The following CYP4F22 variants were observed in gnomAD, a reference collection of about 807,000 sequenced individuals.
The protein encoded by CYP4F22 is cytochrome P450 family 4 subfamily F member 22.
Under a neutral mutation model 60.4 loss-of-function variants are expected in CYP4F22, and 37 were observed. The ratio of observed to expected loss-of-function variants is 0.61; its 90% CI spans 0.47 to 0.81. The LOEUF is 0.81. Ranked by LOEUF, CYP4F22 falls within the 30% of genes least tolerant of loss-of-function variation. The pLI, the probability that CYP4F22 is intolerant of heterozygous loss-of-function variation, is 0.00. For missense variants in CYP4F22, 655 were observed against 715.0 expected (o/e 0.92, Z 0.96); for synonymous variants, 258 against 280.5 (o/e 0.92, Z 0.80).
rs71176432 is a variant in CYP4F22, at chr19:15,547,018, G to GTTTTTTTTTTTTTTTTTTT, written c.1137-1086_1137-1068dup. 9.7e-4 allele frequency among the ~76,000 whole-genome samples: 80 copies of GTTTTTTTTTTTTTTTTTTT among 82,304 alleles called. 9 individuals are homozygous for GTTTTTTTTTTTTTTTTTTT. Among genetic ancestry groups the GTTTTTTTTTTTTTTTTTTT allele is most frequent in the African/African-American group, 4.2e-3 (74 of 17,582 alleles). The allele number at this position is 82,304 out of a possible 152,430, so 54.0% of individuals were successfully genotyped here. ...GAGCCACCATGCCTGGCCTGCACCA[G>GTTTTTTTTTTTTTTTTTTT]TTTTTTTTTTTTTTTTTTTTTTAAG... is the stretch of plus-strand genomic sequence containing the variant. On this transcript the variant is annotated intron_variant, in intron 10 of 13. Transcript: ENST00000269703.
intron 7 of CYP4F22, among the ~76,000 whole-genome samples, chr19:15,539,809 A>G (rs1971438034): frequency 6.6e-6 from 1 of 152,120 alleles, no homozygotes; most frequent in South Asian, 2.1e-4. Context: ...ACTTGTTATT[A>G]TAAGTTTTGA....
Position 15,551,799 on chromosome 19 carries a change from G to A in CYP4F22, c.*328G>A. 1 of 436,394 alleles carries A rather than the reference G, an allele frequency of 2.3e-6. No homozygotes were observed. Among genetic ancestry groups the A allele is most frequent in the Non-Finnish European group, 4.2e-6 (1 of 238,196 alleles). The allele number at this position is 436,394 out of a possible 1,614,324, so 27.0% of individuals were successfully genotyped here. On this transcript the variant is annotated 3_prime_UTR_variant, in exon 14 of 14. Transcript: ENST00000269703. ...AGGATCCTACGGATTGAGGTCCTCA[G>A]GCCACGCCCCTGCAGATCCAGGTCT...
chr19:15,539,461 T>A (rs923865501), intron 7 of CYP4F22, among the ~76,000 whole-genome samples: 7 of 152,244 alleles, frequency 4.6e-5, no homozygotes, highest in Admixed American at 4.6e-4. Flanking sequence ...CTGTTTCCAC[T>A]TTTCGACCTT....
chr19:15,524,680 G>GAGGGAAAGAA (rs1971260722), intron 2 of CYP4F22, among the ~76,000 whole-genome samples: 1 of 149,016 alleles, frequency 6.7e-6, no homozygotes, highest in Non-Finnish European at 1.5e-5. Flanking sequence ...GAGAGAGAGA[G>GAGGGAAAGAA]AGAAAGAAAG....
rs528145184 is a variant in CYP4F22 at position 15,547,809 on chromosome 19, C to A, written c.1137-299C>A. Among the ~76,000 whole-genome samples, 11 of 146,924 alleles carry A rather than the reference C, an allele frequency of 7.5e-5. No individual in the cohort carries two copies. The South Asian group carries it at 1.9e-3, about 26-fold the overall frequency. ...TATGTTCTAGCCTGGGCAACAAGAGCGAAACTCGGTCTTAAAAAAAAAAAA... is the reference window on the plus strand; with the variant it reads ...TATGTTCTAGCCTGGGCAACAAGAGAGAAACTCGGTCTTAAAAAAAAAAAA... On this transcript the variant is annotated intron_variant, in intron 10 of 13. Coordinates refer to ENST00000269703, the MANE Select transcript of CYP4F22 (RefSeq NM_173483.4).
chr19:15,526,391 G>A (rs913598039), intron 3 of CYP4F22, among the ~76,000 whole-genome samples: 12 of 152,094 alleles, frequency 7.9e-5, no homozygotes, highest in African/African-American at 2.4e-4. Context: ...ACAGGGTCTC[G>A]CTATGTTGCC....
At chr19:15,544,322 A>G (rs1321947658) in intron 10 of CYP4F22, 43 bp downstream of exon 10, 1 of 1,596,052 alleles carries the variant, frequency 6.3e-7, no homozygotes, top group Non-Finnish European at 8.5e-7. Context: ...GGTTGAGGCC[A>G]GAGCCTTGGG....
rs771000092 is a variant in CYP4F22, at chr19:15,548,171, A to G, written c.1200A>G (p.Pro400=). ...TTAAGGAGAGCCTGCGCCAGTACCC[A>G]CCTGTCACTCTTGTCTCTCGCCAAT... The part of the protein sequence containing the change: ...MCIKESLRQY[P]PVTLVSRQCT... Residue 400 remains proline (P), a synonymous_variant, in exon 11 of 14, where the codon CCA becomes CCG. Transcript: ENST00000269703. 3.1e-6 allele frequency: 5 copies of G among 1,613,962 alleles called. No individual in the cohort carries two copies. In the Admixed American group the frequency reaches 8.3e-5, roughly 27 times the overall value.
rs71176432 is a variant in CYP4F22 at position 15,547,018 on chromosome 19, GTTTTTTTT to G, written c.1137-1075_1137-1068del. 2.4e-5 allele frequency among the ~76,000 whole-genome samples: 2 copies of G among 82,330 alleles called. 1 individual carries two copies. The highest frequency in any genetic ancestry group is 1.1e-3 in the East Asian group (2 of 1,874). 54.0% of individuals were successfully genotyped at this position (82,330 alleles called of 152,430 possible). ...GAGCCACCATGCCTGGCCTGCACCAGTTTTTTTTTTTTTTTTTTTTTTAAGACAAGAGT... is the reference window on the plus strand; with the variant it reads ...GAGCCACCATGCCTGGCCTGCACCAGTTTTTTTTTTTTTTAAGACAAGAGT... On this transcript the variant is annotated intron_variant, in intron 10 of 13. Coordinates refer to ENST00000269703, the MANE Select transcript of CYP4F22 (RefSeq NM_173483.4).
intron 1 of CYP4F22, among the ~76,000 whole-genome samples, chr19:15,518,994 G>A (rs1490633924): frequency 6.6e-6 from 1 of 152,164 alleles, no homozygotes; most frequent in African/African-American, 2.4e-5. Flanking sequence ...CAACAGATTG[G>A]ATGTGGCTGA....
chr19:15,522,986 C>A (rs550588847), intron 1 of CYP4F22, among the ~76,000 whole-genome samples: 16 of 151,098 alleles, frequency 1.1e-4, no homozygotes, highest in Non-Finnish European at 2.2e-4. Flanking sequence ...GTTGGGATTA[C>A]AGGTGTGAGC....
Position 15,510,945 on chromosome 19 carries a change from C to CATATATATATATTTAT in CYP4F22, c.-109+2374_-109+2375insTTATATATATATATAT, listed in dbSNP as rs1460338117. On this transcript the variant is annotated intron_variant, in intron 1 of 13. Transcript: ENST00000269703. ...ACCAGCCTGGGGAATATAGGGATAC[C>CATATATATATATTTAT]ATATATATATATATATATATATTTT... Among the ~76,000 whole-genome samples the CATATATATATATTTAT allele has an allele frequency of 1.3e-4, 15 of 111,592 alleles. 1 individual carries two copies. The highest frequency in any genetic ancestry group is 5.4e-4 in the African/African-American group (15 of 27,620). The allele number at this position is 111,592 out of a possible 152,430, so 73.2% of individuals were successfully genotyped here.
chr19:15,512,959 G>C (rs1488670631), intron 1 of CYP4F22, among the ~76,000 whole-genome samples: 2 of 151,494 alleles, frequency 1.3e-5, no homozygotes, highest in African/African-American at 4.9e-5. Flanking sequence ...CTTTCCAGAG[G>C]CTGCCACCAT....
chr19:15,542,826 T>C (rs1599812300), intron 8 of CYP4F22, among the ~76,000 whole-genome samples: 1 of 152,130 alleles, frequency 6.6e-6, no homozygotes, highest in African/African-American at 2.4e-5. Context: ...GTTCCTGCCT[T>C]AGGTTGCTAA....
chr19:15,540,696 T>C lies in CYP4F22; in HGVS notation c.918T>C (p.Ile306=), dbSNP rs753570515. Residue 306 remains isoleucine (I), a synonymous_variant, in exon 8 of 14, where the codon ATT becomes ATC. Transcript: ENST00000269703. ...AGCAGGGGAAGACCTTGGACTTTAT[T>C]GATGTGCTGCTCCTGGCCAGGGTGA... ...KAKQGKTLDF[I]DVLLLARDED... is the part of the protein sequence containing the mutation. The C allele has an allele frequency of 6.2e-7, 1 of 1,612,900 alleles. No homozygotes were observed. The highest frequency in any genetic ancestry group is 8.5e-7 in the Non-Finnish European group (1 of 1,179,808).
Position 15,532,717 on chromosome 19 carries a change from C to G in CYP4F22, c.367+2864C>G, listed in dbSNP as rs919761824. Among the ~76,000 whole-genome samples, 28 of 152,040 alleles carry G rather than the reference C, an allele frequency of 1.8e-4. 1 individual carries two copies. Among genetic ancestry groups the G allele is most frequent in the East Asian group, 9.6e-4 (5 of 5,194 alleles). On this transcript the variant is annotated intron_variant, in intron 4 of 13. Coordinates refer to ENST00000269703, the MANE Select transcript of CYP4F22 (RefSeq NM_173483.4). ...CTCCTTCCTCCTCCCTTCTCCTCCC[C>G]CTCAGAGCATCAGTTTCCTGAGCAC...
At chr19:15,540,293 A>G (rs918294649) in intron 7 of CYP4F22, among the ~76,000 whole-genome samples, 157 bp from the exon 8 acceptor site, 2 of 152,100 alleles carry the variant, frequency 1.3e-5, no homozygotes, top group African/African-American at 4.8e-5. Flanking sequence ...GCAAGACCCT[A>G]TCTAAAAAAA....
intron 8 of CYP4F22, among the ~76,000 whole-genome samples, chr19:15,542,066 A>G (rs1157811106): frequency 6.6e-6 from 1 of 152,020 alleles, no homozygotes; most frequent in Non-Finnish European, 1.5e-5. Context: ...TTCTCCATTT[A>G]TACCATGGTG....
Position 15,544,286 on chromosome 19 carries a change from G to T in CYP4F22, c.1136+7G>T, listed in dbSNP as rs774225645. 2 of 1,613,094 alleles carry T rather than the reference G, an allele frequency of 1.2e-6. No homozygotes were observed. The highest frequency in any genetic ancestry group is 1.1e-5 in the South Asian group (1 of 91,002). ...AGCTGGAGGAGCTGGAGTGGTGAGT[G>T]TGGGGTCAGGGGAATGGAGGGGGCA... is the stretch of plus-strand genomic sequence containing the variant. On this transcript the variant is annotated splice_region_variant and intron_variant, in intron 10 of 13. Coordinates refer to ENST00000269703, the MANE Select transcript of CYP4F22 (RefSeq NM_173483.4).
Sources: gnomAD v4.1 joint callset for allele counts (sites outside exome capture counted in the v4.1 genomes callset) on GRCh38, gnomAD v4.1.1 for gene constraint, MANE v1.5 for transcripts, NCBI Gene and HGNC (gene_info 2026-07-23, HGNC 2026-07-21) for gene names.